Variants in MALSU1 observed in about 807,000 individuals in gnomAD.
MALSU1 encodes the protein mitochondrial assembly of ribosomal large subunit protein 1.
A neutral mutation model predicts 22.1 loss-of-function variants in MALSU1; 22 were observed. The ratio of observed to expected loss-of-function variants is 1.00; its 90% CI spans 0.71 to 1.42. The LOEUF (loss-of-function observed/expected upper bound fraction) is 1.42, where lower values mean the gene tolerates loss of function less well. Among genes scored for constraint, MALSU1 ranks in the 40% most tolerant of loss-of-function variants. MALSU1 has a pLI of 0.00. For missense variants in MALSU1, 379 were observed against 308.3 expected (o/e 1.23, Z -1.72); for synonymous variants, 153 against 118.5 (o/e 1.29, Z -1.89).
At chr7:23,307,663 G>C in intron 2 of MALSU1, 1 of 496,248 alleles carries the variant, frequency 2.0e-6, no homozygotes, top group Non-Finnish European at 3.6e-6. Flanking sequence ...TGGGGCAGGA[G>C]AATTCAGGAG....
At chr7:23,300,808 C>A in intron 1 of MALSU1, 31 bp from the exon 2 acceptor site, 1 of 1,595,460 alleles carries the variant, frequency 6.3e-7, no homozygotes, top group Non-Finnish European at 8.6e-7. Context: ...GCTTGGCCAT[C>A]CTGATACAAA....
chr7:23,306,765 C>CATTCCAGG (rs1301785758), intron 2 of MALSU1, among the ~76,000 whole-genome samples: 5 of 152,196 alleles, frequency 3.3e-5, no homozygotes, highest in Non-Finnish European at 7.3e-5. Flanking sequence ...AACCACCTTG[C>CATTCCAGG]ATTCCAGGGA....
chr7:23,304,016 G>C (rs1308461119), intron 2 of MALSU1, among the ~76,000 whole-genome samples: 1 of 151,746 alleles, frequency 6.6e-6, no homozygotes, highest in Non-Finnish European at 1.5e-5. Flanking sequence ...TGAGGCACGA[G>C]AATCGCTTGA....
intron 3 of MALSU1, among the ~76,000 whole-genome samples, chr7:23,308,553 CAA>C (rs764949923): frequency 2.0e-5 from 3 of 152,102 alleles, no homozygotes; most frequent in African/African-American, 4.8e-5. Context: ...TGGTAAAAGA[CAA>C]GACTATTAGA....
In MALSU1 at chr7:23,300,906, C is replaced by G. The variant is rs1409553033; in HGVS notation, c.324C>G (p.Asp108Glu). ...TTCTGAGGCAAGAAAATGCAAGAGA[C>G]ATTTGTGTGATCCAGGTTCCTCCAG... ...VSLLRQENAR[D>E]ICVIQVPPEM... Residue 108 changes from aspartate (D) to glutamate (E), a missense_variant, in exon 2 of 4, where the codon GAC becomes GAG. Physicochemically the swap from Asp to Glu is conservative, Grantham distance 45. Coordinates refer to ENST00000466681, the MANE Select transcript of MALSU1 (RefSeq NM_138446.2). 6.2e-7 allele frequency: 1 copy of G among 1,614,032 alleles called. No individual in the cohort carries two copies. The highest frequency in any genetic ancestry group is 8.5e-7 in the Non-Finnish European group (1 of 1,179,962).
chr7:23,310,759 A>C lies in MALSU1; in HGVS notation c.*1216A>C, dbSNP rs1175356237. 1 of 152,116 alleles carries C rather than the reference A, an allele frequency of 6.6e-6. No homozygotes were observed. The highest frequency in any genetic ancestry group is 1.5e-5 in the Non-Finnish European group (1 of 68,044). 9.4% of individuals were successfully genotyped at this position (152,116 alleles called of 1,614,324 possible). A position where few individuals can be genotyped will look rare whatever the true frequency, so the allele number is the denominator to read the frequency against. On this transcript the variant is annotated 3_prime_UTR_variant, in exon 4 of 4. Coordinates refer to ENST00000466681, the MANE Select transcript of MALSU1 (RefSeq NM_138446.2). ...CAGAAAAACATCTAGTCTGTATAGA[A>C]ATTCATCTTGAAATAAGAATGAGGC...
At chr7:23,304,127 A>G (rs1181843172) in intron 2 of MALSU1, among the ~76,000 whole-genome samples, 1 of 151,992 alleles carries the variant, frequency 6.6e-6, no homozygotes, top group Non-Finnish European at 1.5e-5. Context: ...AAAATTGTTT[A>G]TGTCCTTGCT....
Position 23,309,470 on chromosome 7 carries a change from T to TTG in MALSU1, c.632_633insTG (p.Pro212AspfsTer9), listed in dbSNP as rs1347732300. Reference sequence around the variant, plus strand: ...TTAGCTCAGATAGCACCTGAGACAGTACCTGAAGACTTCATTCTTGGAATA... The same window carrying TTG: ...TTAGCTCAGATAGCACCTGAGACAGTTGACCTGAAGACTTCATTCTTGGAATA... On this transcript the variant is annotated frameshift_variant, in exon 4 of 4. Transcript: ENST00000466681. LOFTEE classifies it high-confidence loss of function. 1 of 1,613,336 alleles carries TTG rather than the reference T, an allele frequency of 6.2e-7. No individual in the cohort carries two copies. The highest frequency in any genetic ancestry group is 8.5e-7 in the Non-Finnish European group (1 of 1,179,564).
chr7:23,307,991 A>G (rs1783746047), intron 3 of MALSU1, 42 bp downstream of exon 3: 5 of 1,335,886 alleles, frequency 3.7e-6, no homozygotes, highest in Non-Finnish European at 5.4e-6. Flanking sequence ...TGTTGGTACT[A>G]CGCTAATCTT....
In MALSU1 at chr7:23,309,584, G is replaced by GAGTC. The variant is rs1783778473; in HGVS notation, c.*43_*46dup. On this transcript the variant is annotated 3_prime_UTR_variant, in exon 4 of 4. Coordinates refer to ENST00000466681, the MANE Select transcript of MALSU1 (RefSeq NM_138446.2). ...GCGTTAGTCATTTCAGATTTGGATT[G>GAGTC]AGTCACTTATTGGAAAATACAGCTC... The GAGTC allele has an allele frequency of 6.7e-7, 1 of 1,494,618 alleles. No homozygotes were observed. The allele number at this position is 1,494,618 out of a possible 1,614,324, so 92.6% of individuals were successfully genotyped here.
At position 23,311,447 on chromosome 7, in the gene MALSU1, C is replaced by A. The variant is rs1316620151; in HGVS notation, c.*1904C>A. On this transcript the variant is annotated 3_prime_UTR_variant, in exon 4 of 4. Transcript: ENST00000466681. Reference sequence around the variant, plus strand: ...AGTCTCCTGAAGCCATTTAAACCAGCCGTTCCAAAATCTCCTGCGACCACT... The same window carrying A: ...AGTCTCCTGAAGCCATTTAAACCAGACGTTCCAAAATCTCCTGCGACCACT... The A allele has an allele frequency of 6.6e-6, 1 of 152,572 alleles. No homozygotes were observed. The highest frequency in any genetic ancestry group is 1.5e-5 in the Non-Finnish European group (1 of 68,034). The allele number at this position is 152,572 out of a possible 1,614,324, so 9.5% of individuals were successfully genotyped here.
rs1783772972 is a variant in MALSU1, at chr7:23,309,403, G to GAATTAGAGAAAT, written c.566_577dup (p.Lys192_Leu193insTer). On this transcript the variant is annotated stop_gained and inframe_insertion, in exon 4 of 4. Coordinates refer to ENST00000466681, the MANE Select transcript of MALSU1 (RefSeq NM_138446.2). LOFTEE classifies it high-confidence loss of function. ...GCTTCCAGAAACCAGAGAAATCTAT[G>GAATTAGAGAAAT]AATTAGAGAAATTATGGACCCTACG... The GAATTAGAGAAAT allele has an allele frequency of 6.2e-7, 1 of 1,613,224 alleles. No homozygotes were observed. Among genetic ancestry groups the GAATTAGAGAAAT allele is most frequent in the African/African-American group, 1.3e-5 (1 of 74,870 alleles).
chr7:23,306,370 C>T (rs1238705972), intron 2 of MALSU1, among the ~76,000 whole-genome samples: 1 of 151,040 alleles, frequency 6.6e-6, no homozygotes, highest in Non-Finnish European at 1.5e-5. Context: ...GGGTTTTCTA[C>T]ATATGAAGTT....
rs185450485 is a variant in MALSU1, at chr7:23,304,093, C to T, written c.435+3076C>T. On this transcript the variant is annotated intron_variant, in intron 2 of 3. Coordinates refer to ENST00000466681, the MANE Select transcript of MALSU1 (RefSeq NM_138446.2). ...TGCTCTCCAGCCTGGGCAACAAGAGCGAAACTCAGTCTCAAAAAAAAAAAA... is the reference window on the plus strand; with the variant it reads ...TGCTCTCCAGCCTGGGCAACAAGAGTGAAACTCAGTCTCAAAAAAAAAAAA... Among the ~76,000 whole-genome samples, 558 of 149,478 alleles carry T rather than the reference C, an allele frequency of 3.7e-3. 4 individuals carry two copies. The highest frequency in any genetic ancestry group is 0.013 in the African/African-American group (526 of 40,134).
chr7:23,309,676 C>T lies in MALSU1; in HGVS notation c.*133C>T, dbSNP rs766734222. ...CTTGTGTACCTCATGGGCACTCCTGCTAACTGGCATGCAGAGACTGTCGAT... is the reference window on the plus strand; with the variant it reads ...CTTGTGTACCTCATGGGCACTCCTGTTAACTGGCATGCAGAGACTGTCGAT... On this transcript the variant is annotated 3_prime_UTR_variant, in exon 4 of 4. Transcript: ENST00000466681. The T allele has an allele frequency of 5.3e-5, 33 of 622,886 alleles. No homozygotes were observed. Among genetic ancestry groups the T allele is most frequent in the Non-Finnish European group, 8.4e-5 (32 of 379,986 alleles). The allele number at this position is 622,886 out of a possible 1,614,324, so 38.6% of individuals were successfully genotyped here.
At chr7:23,300,550 A>G (rs1295002638) in intron 1 of MALSU1, among the ~76,000 whole-genome samples, 3 of 152,176 alleles carry the variant, frequency 2.0e-5, no homozygotes, top group African/African-American at 7.2e-5. Context: ...CCTTTTAAGT[A>G]TTAGTAGAAA....
At position 23,299,676 on chromosome 7, in the gene MALSU1, GGCTCTGGGTTCC is replaced by G. The variant is rs1783615048; in HGVS notation, c.256+69_256+80del. On this transcript the variant is annotated intron_variant, in intron 1 of 3. Transcript: ENST00000466681. Reference sequence around the variant, plus strand: ...TCTGGAGTCAGGTCCCAGCCAAGGTGGCTCTGGGTTCCCCTCTATGTGCATTTCTCTTGGAGT... The same window carrying G: ...TCTGGAGTCAGGTCCCAGCCAAGGTGCCTCTATGTGCATTTCTCTTGGAGT... The G allele has an allele frequency of 2.0e-6, 3 of 1,491,662 alleles. No homozygotes were observed. In the Admixed American group the frequency reaches 6.5e-5, roughly 33 times the overall value. 92.4% of individuals were successfully genotyped at this position (1,491,662 alleles called of 1,614,324 possible). A position where few individuals can be genotyped will look rare whatever the true frequency, so the allele number is the denominator to read the frequency against.
chr7:23,299,862 G>C (rs1381577188), intron 1 of MALSU1, among the ~76,000 whole-genome samples: 3 of 152,108 alleles, frequency 2.0e-5, no homozygotes, highest in African/African-American at 4.8e-5. Context: ...TGGCATCACA[G>C]TCTCACCGTC....
chr7:23,310,172 A>G lies in MALSU1; in HGVS notation c.*629A>G, dbSNP rs1381473201. 1 of 152,236 alleles carries G rather than the reference A, an allele frequency of 6.6e-6. No homozygotes were observed. The highest frequency in any genetic ancestry group is 6.5e-5 in the Admixed American group (1 of 15,282). The allele number at this position is 152,236 out of a possible 1,614,324, so 9.4% of individuals were successfully genotyped here. A position where few individuals can be genotyped will look rare whatever the true frequency, so the allele number is the denominator to read the frequency against. ...AAAAAATTCAGAACATTCCCATTCA[A>G]TTGAAAACCAAAAATAAAACATACT... On this transcript the variant is annotated 3_prime_UTR_variant, in exon 4 of 4. Transcript: ENST00000466681.
Sources: gnomAD v4.1 joint callset for allele counts (sites outside exome capture counted in the v4.1 genomes callset) on GRCh38, gnomAD v4.1.1 for gene constraint, MANE v1.5 for transcripts, NCBI Gene and HGNC (gene_info 2026-07-23, HGNC 2026-07-21) for gene names.